MGAT5: variants seen among roughly 807,000 people sequenced by gnomAD.
MGAT5 encodes the protein alpha-1,6-mannosylglycoprotein 6-beta-N-acetylglucosaminyltransferase, also known as alpha-1,6-mannosylglycoprotein 6-beta-N-acetylglucosaminyltransferase A.
In MGAT5, 30 loss-of-function variants were observed where a neutral mutation model predicts 94.3. The ratio of observed to expected loss-of-function variants is 0.32; its 90% CI spans 0.24 to 0.43. The LOEUF (loss-of-function observed/expected upper bound fraction) is 0.43. Among genes scored for constraint, MGAT5 ranks in the 20% least tolerant of loss-of-function variants. The pLI is 1.00. For missense variants in MGAT5, 691 were observed against 905.5 expected (o/e 0.76, Z 3.04); for synonymous variants, 310 against 322.9 (o/e 0.96, Z 0.43).
intron 2 of MGAT5, among the ~76,000 whole-genome samples, chr2:134,293,433 CT>C (rs1293905142): frequency 2.0e-5 from 3 of 151,858 alleles, no homozygotes; most frequent in Non-Finnish European, 4.4e-5. Context: ...TCCTCCCTTC[CT>C]TTTCTTATTC....
chr2:134,179,333 G>A (rs1243595190), intron 1 of MGAT5, among the ~76,000 whole-genome samples: 1 of 152,178 alleles, frequency 6.6e-6, no homozygotes, highest in Non-Finnish European at 1.5e-5. Flanking sequence ...GCAGGCGTAA[G>A]TTGTAGTAGT....
intron 1 of MGAT5, among the ~76,000 whole-genome samples, chr2:134,205,091 C>T (rs1679965446): frequency 6.6e-6 from 1 of 152,072 alleles, no homozygotes; most frequent in Non-Finnish European, 1.5e-5. Context: ...GGACAGAAGG[C>T]CAGAGTTGTG....
intron 1 of MGAT5, among the ~76,000 whole-genome samples, chr2:134,148,758 G>GATT (rs1687038287): frequency 7.8e-6 from 1 of 128,708 alleles, no homozygotes; most frequent in Non-Finnish European, 1.7e-5. Context: ...CTCTTTCTTA[G>GATT]GTTTTTTTTT....
chr2:134,245,645 T>G (rs966768322), intron 1 of MGAT5, among the ~76,000 whole-genome samples: 1 of 152,164 alleles, frequency 6.6e-6, no homozygotes, highest in East Asian at 1.9e-4. Flanking sequence ...TGTATTTAGG[T>G]GAAGACTACC....
intron 10 of MGAT5, among the ~76,000 whole-genome samples, chr2:134,378,710 G>A (rs1045886583): frequency 3.3e-5 from 5 of 150,776 alleles, no homozygotes; most frequent in Admixed American, 6.6e-5. Context: ...GTGACTCCCG[G>A]GTTCAAGTGA....
Position 134,292,963 on chromosome 2 carries a change from G to T in MGAT5, c.406+22413G>T, listed in dbSNP as rs569012955. Among the ~76,000 whole-genome samples, 9 of 152,324 alleles carry T rather than the reference G, an allele frequency of 5.9e-5. 1 individual carries two copies. The highest frequency in any genetic ancestry group is 5.9e-4 in the Admixed American group (9 of 15,302). ...GTCTCCAAACAGATAACAGATGGAG[G>T]TCATGGACCTTCACAGATGTGTGCC... On this transcript the variant is annotated intron_variant, in intron 2 of 15. Coordinates refer to ENST00000281923, the MANE Select transcript of MGAT5 (RefSeq NM_002410.5).
At chr2:134,404,027 G>T (rs954564668) in intron 11 of MGAT5, among the ~76,000 whole-genome samples, 1 of 152,214 alleles carries the variant, frequency 6.6e-6, no homozygotes, top group Non-Finnish European at 1.5e-5. Context: ...ACCAGAGTTT[G>T]GCCTTGAAGG....
intron 11 of MGAT5, among the ~76,000 whole-genome samples, chr2:134,406,506 A>T (rs979124795): frequency 2.0e-5 from 3 of 152,120 alleles, no homozygotes; most frequent in African/African-American, 4.8e-5. Context: ...CCTCTGACTC[A>T]TCTTATCCTC....
In MGAT5 at chr2:134,359,583, T is replaced by C. The variant is rs185838942; in HGVS notation, c.1247-2692T>C. 1.5e-3 allele frequency among the ~76,000 whole-genome samples: 224 copies of C among 152,346 alleles called. 1 individual carries two copies. The highest frequency in any genetic ancestry group is 6.8e-3 in the Middle Eastern group (2 of 294). On this transcript the variant is annotated intron_variant, in intron 9 of 15. Coordinates refer to ENST00000281923, the MANE Select transcript of MGAT5 (RefSeq NM_002410.5). ...TCTGGGATGGAGGGATTACTAAAAG[T>C]ACAGGATTTCCTGCATCCCGTTTAT...
chr2:134,440,075 G>A (rs1685400720), intron 14 of MGAT5, among the ~76,000 whole-genome samples: 1 of 152,128 alleles, frequency 6.6e-6, no homozygotes, highest in African/African-American at 2.4e-5. Context: ...CTGCTCAGTG[G>A]CAGTCCTCCA....
chr2:134,243,473 G>A (rs912003957), intron 1 of MGAT5, among the ~76,000 whole-genome samples: 2 of 152,114 alleles, frequency 1.3e-5, no homozygotes, highest in Non-Finnish European at 2.9e-5. Flanking sequence ...GTTGACCTTG[G>A]TGTATACATT....
chr2:134,248,161 G>C (rs1682389391), intron 1 of MGAT5, among the ~76,000 whole-genome samples: 1 of 152,208 alleles, frequency 6.6e-6, no homozygotes, highest in Non-Finnish European at 1.5e-5. Flanking sequence ...TGTATTGTCA[G>C]AATGCCCAGG....
At chr2:134,420,300 C>T (rs1331542169) in intron 12 of MGAT5, among the ~76,000 whole-genome samples, 2 of 151,604 alleles carry the variant, frequency 1.3e-5, no homozygotes, top group Non-Finnish European at 2.9e-5. Context: ...CAGAAGTGTG[C>T]AGAGAAAAAA....
At chr2:134,362,845 C>T (rs1464407991) in intron 10 of MGAT5, among the ~76,000 whole-genome samples, 3 of 152,226 alleles carry the variant, frequency 2.0e-5, no homozygotes, top group Admixed American at 1.3e-4. Flanking sequence ...GCTTCACATC[C>T]TCTTGGCTAT....
At chr2:134,417,801 G>A (rs1530230) in intron 12 of MGAT5, among the ~76,000 whole-genome samples, 20,320 of 151,936 alleles carry the variant, frequency 0.13, 1,814 homozygotes, top group East Asian at 0.29. Context: ...TTTGTATAGT[G>A]TCACATACTA....
chr2:134,170,304 G>A (rs62165703), intron 1 of MGAT5, among the ~76,000 whole-genome samples: 27,232 of 152,152 alleles, frequency 0.18, 2,531 homozygotes, highest in South Asian at 0.23. Flanking sequence ...CCTCAAGGCT[G>A]TCTCAGACAC....
intron 2 of MGAT5, among the ~76,000 whole-genome samples, chr2:134,294,426 A>G (rs1352037486): frequency 6.6e-6 from 1 of 152,176 alleles, no homozygotes; most frequent in Non-Finnish European, 1.5e-5. Context: ...TATTTCTGAG[A>G]CAAATTTAGA....
intron 1 of MGAT5, among the ~76,000 whole-genome samples, chr2:134,159,376 C>T (rs1254359537): frequency 1.3e-5 from 2 of 152,094 alleles, no homozygotes; most frequent in South Asian, 2.1e-4. Flanking sequence ...AATGTTAAAG[C>T]ATTTGAACGG....
chr2:134,169,752 G>A (rs908995219), intron 1 of MGAT5, among the ~76,000 whole-genome samples: 1 of 152,016 alleles, frequency 6.6e-6, no homozygotes, highest in African/African-American at 2.4e-5. Context: ...TTTAAGATTA[G>A]TTGAAAAAAA....
Sources: gnomAD v4.1 joint callset for allele counts (sites outside exome capture counted in the v4.1 genomes callset) on GRCh38, gnomAD v4.1.1 for gene constraint, MANE v1.5 for transcripts, NCBI Gene and HGNC (gene_info 2026-07-23, HGNC 2026-07-21) for gene names.